Variants in SHTN1 observed in about 807,000 individuals in gnomAD.
The protein encoded by SHTN1 is shootin 1, also known as shootin-1.
SHTN1 carries 42 observed loss-of-function variants against 83.1 expected under a neutral mutation model. The ratio of observed to expected loss-of-function variants is 0.51; its 90% CI spans 0.39 to 0.65. The LOEUF is 0.65. SHTN1 is among the 30% of genes least tolerant of loss of function. SHTN1 has a pLI of 0.00. For missense variants in SHTN1, 622 were observed against 737.8 expected (o/e 0.84, Z 1.82); for synonymous variants, 224 against 247.7 (o/e 0.90, Z 0.90).
At chr10:116,991,757 A>G (rs908913843) in intron 1 of SHTN1, among the ~76,000 whole-genome samples, 10 of 152,222 alleles carry the variant, frequency 6.6e-5, no homozygotes, top group African/African-American at 2.4e-4. Context: ...TGGGGGACAA[A>G]TATCCAAACT....
In SHTN1 at chr10:116,886,526, C is replaced by A; in HGVS notation, c.1714G>T (p.Gly572Cys). ...ACAACTGGTTCGGCTTGTTTTTCAC[C>A]GTCAATGTATTTTTTCCTGCATCCA... ...SIGCRKKYID[G>C]EKQAEPVVVL... The change falls in exon 17 of 17, where the codon GGT becomes TGT. Residue 572 changes from glycine to cysteine, a missense_variant. Around this residue, in one of 3 missense-constraint regions of SHTN1, gnomAD observed 231 missense variants for 251.6 expected, o/e 0.92. Transcript: ENST00000355371. The A allele has an allele frequency of 6.2e-7, 1 of 1,614,026 alleles. No individual in the cohort carries two copies. Among genetic ancestry groups the A allele is most frequent in the Non-Finnish European group, 8.5e-7 (1 of 1,180,020 alleles).
intron 1 of SHTN1, among the ~76,000 whole-genome samples, chr10:117,094,104 G>A (rs543106180): frequency 2.6e-5 from 4 of 152,232 alleles, no homozygotes; most frequent in East Asian, 1.9e-4. Context: ...CTCCTCCTGG[G>A]CACAACTCCG....
intron 2 of SHTN1, among the ~76,000 whole-genome samples, chr10:117,016,567 C>T (rs538497018): frequency 5.9e-5 from 9 of 152,212 alleles, no homozygotes; most frequent in African/African-American, 2.2e-4. Flanking sequence ...CCACCACGCC[C>T]GGCTACTTTT....
At chr10:117,081,814 T>G (rs1216736182) in intron 1 of SHTN1, among the ~76,000 whole-genome samples, 9 of 151,326 alleles carry the variant, frequency 5.9e-5, no homozygotes, top group African/African-American at 2.2e-4. Context: ...TTTTCTAGTT[T>G]ATTTGCGTAG....
chr10:116,968,761 A>G (rs780879575), intron 2 of SHTN1, 49 bp from the exon 3 acceptor site: 1 of 1,474,746 alleles, frequency 6.8e-7, no homozygotes, highest in South Asian at 1.2e-5. Flanking sequence ...ATAAATTTTA[A>G]GTTTGAAAAG....
At chr10:116,981,352 G>A (rs1253374016) in intron 1 of SHTN1, among the ~76,000 whole-genome samples, 6 of 152,056 alleles carry the variant, frequency 3.9e-5, no homozygotes, top group Non-Finnish European at 5.9e-5. Context: ...ATTTTCAACA[G>A]AAAAAGATTT....
chr10:116,905,787 T>C (rs1427602613), intron 15 of SHTN1, among the ~76,000 whole-genome samples: 1 of 152,208 alleles, frequency 6.6e-6, no homozygotes, highest in East Asian at 1.9e-4. Flanking sequence ...TTTAAGGTAG[T>C]TTTTTGAAGT....
chr10:117,057,444 GA>G (rs1340605592), intron 1 of SHTN1, among the ~76,000 whole-genome samples: 1 of 152,138 alleles, frequency 6.6e-6, no homozygotes, highest in Non-Finnish European at 1.5e-5. Flanking sequence ...TTTGATCATG[GA>G]AGTGCAGACA....
At chr10:116,938,882 A>G (rs1482099456) in intron 9 of SHTN1, among the ~76,000 whole-genome samples, 1 of 152,206 alleles carries the variant, frequency 6.6e-6, no homozygotes, top group Admixed American at 6.5e-5. Flanking sequence ...AGGAATCTAG[A>G]GAGGCAGTCT....
chr10:117,102,428 T>C (rs191939880), intron 1 of SHTN1, among the ~76,000 whole-genome samples: 1 of 152,240 alleles, frequency 6.6e-6, no homozygotes, highest in African/African-American at 2.4e-5. Flanking sequence ...GGGACTTACT[T>C]TCCACTCACT....
intron 2 of SHTN1, among the ~76,000 whole-genome samples, chr10:116,969,753 G>A (rs914100234): frequency 3.9e-5 from 6 of 152,012 alleles, no homozygotes; most frequent in Admixed American, 3.9e-4. Flanking sequence ...AGGCCCTGGA[G>A]GCATTAATGA....
intron 1 of SHTN1, among the ~76,000 whole-genome samples, chr10:117,118,363 C>CAAAAAAAAAAAAAAAAAAAAAAAA (rs57432703): frequency 1.7e-5 from 2 of 118,456 alleles, no homozygotes; most frequent in Non-Finnish European, 1.7e-5. Flanking sequence ...TAATCCATTT[C>CAAAAAAAAAAAAAAAAAAAAAAAA]AAAAAAAAAA....
intron 7 of SHTN1, among the ~76,000 whole-genome samples, chr10:116,947,242 A>C (rs1344028351): frequency 1.3e-5 from 2 of 152,174 alleles, no homozygotes; most frequent in Non-Finnish European, 2.9e-5. Context: ...GGGAGTGACG[A>C]TACCATTAGA....
At chr10:116,913,560 T>C (rs945140926) in intron 13 of SHTN1, among the ~76,000 whole-genome samples, 1 of 152,242 alleles carries the variant, frequency 6.6e-6, no homozygotes, top group Non-Finnish European at 1.5e-5. Context: ...GGAACATTGA[T>C]TGCTTATGAT....
At chr10:117,030,581 T>G (rs550478563) in intron 2 of SHTN1, among the ~76,000 whole-genome samples, 50 of 152,248 alleles carry the variant, frequency 3.3e-4, no homozygotes, top group African/African-American at 1.2e-3. Context: ...AATAGCCATT[T>G]TGAGGAAACT....
At chr10:116,948,425 C>A (rs1456542346) in intron 7 of SHTN1, among the ~76,000 whole-genome samples, 1 of 152,222 alleles carries the variant, frequency 6.6e-6, no homozygotes, top group Admixed American at 6.5e-5. Context: ...AACACACAGG[C>A]AGGAAATGTG....
intron 2 of SHTN1, among the ~76,000 whole-genome samples, chr10:117,034,248 T>G (rs1384367144): frequency 2.6e-5 from 4 of 152,202 alleles, no homozygotes; most frequent in Non-Finnish European, 5.9e-5. Flanking sequence ...CAAATTGTCC[T>G]TGTTTGCAGA....
In SHTN1 at chr10:116,881,844, A is replaced by G; in HGVS notation, c.*4500T>C. The G allele has an allele frequency of 2.0e-6, 1 of 494,224 alleles. No individual in the cohort carries two copies. The highest frequency in any genetic ancestry group is 3.3e-6 in the Non-Finnish European group (1 of 304,318). 30.6% of individuals were successfully genotyped at this position (494,224 alleles called of 1,614,324 possible). On this transcript the variant is annotated 3_prime_UTR_variant, in exon 17 of 17. Coordinates refer to ENST00000355371, the MANE Select transcript of SHTN1 (RefSeq NM_001127211.3). ...TACATATATGATGTTTTTGCCTGAA[A>G]TTCTGTGAACTTCGTTTTGCAGCCA...
intron 2 of SHTN1, among the ~76,000 whole-genome samples, chr10:117,040,929 T>C (rs895746015): frequency 1.3e-5 from 2 of 151,324 alleles, no homozygotes; most frequent in African/African-American, 4.8e-5. Flanking sequence ...TCTTTTATTA[T>C]ATTTTATTTT....
Sources: gnomAD v4.1 joint callset for allele counts (sites outside exome capture counted in the v4.1 genomes callset) on GRCh38, gnomAD v4.1.1 for gene constraint, gnomAD v4.1.1 regional missense constraint, MANE v1.5 for transcripts, NCBI Gene and HGNC (gene_info 2026-07-23, HGNC 2026-07-21) for gene names.